Variants in UBE2D2 observed in about 807,000 individuals in gnomAD.
The protein encoded by UBE2D2 is ubiquitin conjugating enzyme E2 D2, also known as ubiquitin-conjugating enzyme E2 D2.
UBE2D2 carries 2 observed loss-of-function variants against 24.2 expected under a neutral mutation model. The observed-to-expected ratio is 0.08, with a 90% confidence interval of 0.03 to 0.26. The LOEUF is 0.26. Ranked by LOEUF, UBE2D2 falls within the 10% of genes least tolerant of loss-of-function variation. The pLI is 1.00. For synonymous variants in UBE2D2, 58 were observed against 56.5 expected (o/e 1.03, Z -0.12); for missense variants, 44 against 177.6 (o/e 0.25, Z 4.28).
chr5:139,598,158 C>T (rs1049487527), intron 1 of UBE2D2, among the ~76,000 whole-genome samples: 1 of 152,160 alleles, frequency 6.6e-6, no homozygotes, highest in Non-Finnish European at 1.5e-5. Flanking sequence ...GCCTCAGCCT[C>T]GTGCTGGGAT....
At chr5:139,577,404 C>CTTTTTTTTTTTT in intron 1 of UBE2D2, among the ~76,000 whole-genome samples, 1 of 69,108 alleles carries the variant, frequency 1.4e-5, no homozygotes, top group Non-Finnish European at 2.7e-5. Context: ...TAGCATCTCT[C>CTTTTTTTTTTTT]TTTTTTTTTT....
rs1160039944 is a variant in UBE2D2 at position 139,546,861 on chromosome 5, CCTTCCTTCCTTT to C, written c.-64+20253_-64+20264del. ...TCCTTCCTTCCTTCCTTCCTTCCTT[CCTTCCTTCCTTT>C]CTTTCCTTCTTTCTTTCTTTTCTTT... On this transcript the variant is annotated intron_variant, in intron 1 of 6. Coordinates refer to the UBE2D2 transcript ENST00000511725. Among the ~76,000 whole-genome samples the C allele has an allele frequency of 6.2e-3, 744 of 119,426 alleles. 2 individuals carry two copies. Among genetic ancestry groups the C allele is most frequent in the South Asian group, 0.011 (41 of 3,686 alleles). The allele number at this position is 119,426 out of a possible 152,430, so 78.3% of individuals were successfully genotyped here.
chr5:139,586,627 T>C (rs1411027191), intron 1 of UBE2D2, among the ~76,000 whole-genome samples: 2 of 151,898 alleles, frequency 1.3e-5, no homozygotes, highest in Non-Finnish European at 2.9e-5. Context: ...TAGCCGGGCG[T>C]GGTGGTGGGT....
At chr5:139,597,288 C>G (rs1439579725) in intron 1 of UBE2D2, among the ~76,000 whole-genome samples, 1 of 152,132 alleles carries the variant, frequency 6.6e-6, no homozygotes, top group African/African-American at 2.4e-5. Context: ...TTTGCCTGTT[C>G]TAGAATGTCA....
chr5:139,610,432 T>G (rs1363390685), intron 2 of UBE2D2, among the ~76,000 whole-genome samples: 1 of 151,884 alleles, frequency 6.6e-6, no homozygotes, highest in Admixed American at 6.6e-5. Context: ...TCCCAGCTAC[T>G]CAGGAGGCTG....
intron 1 of UBE2D2, among the ~76,000 whole-genome samples, chr5:139,577,588 A>G (rs371463210): frequency 2.0e-5 from 3 of 151,568 alleles, no homozygotes; most frequent in African/African-American, 7.3e-5. Flanking sequence ...TAATTATTGT[A>G]TTTTTAGTAA....
chr5:139,560,399 T>C (rs1753049538), upstream of UBE2D2, among the ~76,000 whole-genome samples: 1 of 152,100 alleles, frequency 6.6e-6, no homozygotes, highest in African/African-American at 2.4e-5. Flanking sequence ...GGTTTCACTG[T>C]GTTGGCCAGG....
At chr5:139,602,343 C>T (rs894128276) in intron 2 of UBE2D2, among the ~76,000 whole-genome samples, 2 of 152,204 alleles carry the variant, frequency 1.3e-5, no homozygotes, top group South Asian at 2.1e-4. Flanking sequence ...TGAGCTACTG[C>T]GCCTGGCCTC....
intron 1 of UBE2D2, among the ~76,000 whole-genome samples, chr5:139,573,703 C>T (rs1016606470): frequency 1.3e-5 from 2 of 152,120 alleles, no homozygotes; most frequent in African/African-American, 4.8e-5. Context: ...GGCGCAGTGG[C>T]TCAAGCTTGT....
intron 1 of UBE2D2, among the ~76,000 whole-genome samples, chr5:139,541,368 G>A (rs578201912): frequency 4.6e-5 from 7 of 151,174 alleles, no homozygotes; most frequent in South Asian, 2.1e-4. Flanking sequence ...TTGGGAGGCC[G>A]AGGTGGGCGG....
At position 139,602,344 on chromosome 5, in the gene UBE2D2, G is replaced by A. The variant is rs188680143; in HGVS notation, c.88+1909G>A. Reference sequence around the variant, plus strand: ...TGGAATTACAGGCGTGAGCTACTGCGCCTGGCCTCAAATTGTTTTTTCCTG... The same window carrying A: ...TGGAATTACAGGCGTGAGCTACTGCACCTGGCCTCAAATTGTTTTTTCCTG... On this transcript the variant is annotated intron_variant, in intron 2 of 6. Coordinates refer to ENST00000398733, the MANE Select transcript of UBE2D2 (RefSeq NM_003339.3). Among the ~76,000 whole-genome samples, 387 of 152,306 alleles carry A rather than the reference G, an allele frequency of 2.5e-3. 1 individual carries two copies. The highest frequency in any genetic ancestry group is 6.3e-3 in the Admixed American group (96 of 15,282).
intron 1 of UBE2D2, among the ~76,000 whole-genome samples, chr5:139,550,449 A>G (rs1414857282): frequency 6.6e-6 from 1 of 152,236 alleles, no homozygotes; most frequent in East Asian, 1.9e-4. Flanking sequence ...TGTAAAATGG[A>G]CCAATCAGCT....
At chr5:139,619,905 A>C (rs1561521899) in intron 5 of UBE2D2, among the ~76,000 whole-genome samples, 1 of 152,188 alleles carries the variant, frequency 6.6e-6, no homozygotes, top group Non-Finnish European at 1.5e-5. Context: ...TCTGTGGGCT[A>C]TACAGAAAGC....
intron 1 of UBE2D2, among the ~76,000 whole-genome samples, chr5:139,544,775 G>A (rs918624567): frequency 6.0e-5 from 8 of 133,420 alleles, no homozygotes; most frequent in Non-Finnish European, 1.1e-4. Flanking sequence ...TTATACTGTA[G>A]TTTGCTTTTT....
At chr5:139,592,285 T>TTTTGCCC (rs1478765048) in intron 1 of UBE2D2, among the ~76,000 whole-genome samples, 1 of 152,092 alleles carries the variant, frequency 6.6e-6, no homozygotes, top group Admixed American at 6.6e-5. Flanking sequence ...GTTTGTGCCA[T>TTTTGCCC]TTTGCCCTTT....
rs140817003 is a variant in UBE2D2 at position 139,538,416 on chromosome 5, T to C, written c.-64+11804T>C. On this transcript the variant is annotated intron_variant, in intron 1 of 6. Coordinates refer to the UBE2D2 transcript ENST00000511725. ...CAGATGAAGGGATAAACACAATAAA[T>C]ATCCATATAATTCAGACTTAAAAAG... Among the ~76,000 whole-genome samples the C allele has an allele frequency of 7.1e-3, 1,077 of 152,190 alleles. 44 individuals are homozygous for C. The highest frequency in any genetic ancestry group is 0.063 in the Admixed American group (964 of 15,268).
At chr5:139,584,537 T>TTC (rs1477031075) in intron 1 of UBE2D2, among the ~76,000 whole-genome samples, 1 of 150,470 alleles carries the variant, frequency 6.6e-6, no homozygotes, top group African/African-American at 2.4e-5. Context: ...TCTTTTCTTT[T>TTC]TTTTTTTTTT....
intron 2 of UBE2D2, among the ~76,000 whole-genome samples, chr5:139,611,676 C>T: frequency 6.6e-6 from 1 of 152,090 alleles, no homozygotes; most frequent in Non-Finnish European, 1.5e-5. Context: ...AAAATAAAAT[C>T]CAACTGCTAG....
chr5:139,530,348 A>T (rs908531144), intron 1 of UBE2D2, among the ~76,000 whole-genome samples: 19 of 152,186 alleles, frequency 1.2e-4, no homozygotes, highest in African/African-American at 4.3e-4. Flanking sequence ...TACTGCCCAT[A>T]AAAACAGGTG....
Sources: gnomAD v4.1 joint callset for allele counts (sites outside exome capture counted in the v4.1 genomes callset) on GRCh38, gnomAD v4.1.1 for gene constraint, MANE v1.5 for transcripts, NCBI Gene and HGNC (gene_info 2026-07-23, HGNC 2026-07-21) for gene names.